Variants in PDE1C observed in about 807,000 individuals in gnomAD.
PDE1C encodes the protein dual specificity calcium/calmodulin-dependent 3',5'-cyclic nucleotide phosphodiesterase 1C.
In PDE1C, 62 loss-of-function variants were observed where a neutral mutation model predicts 93.1. The observed-to-expected ratio is 0.67, with a 90% confidence interval of 0.54 to 0.82. The LOEUF is 0.82. Among genes scored for constraint, PDE1C ranks in the 40% least tolerant of loss-of-function variants. The pLI, the probability that PDE1C is intolerant of heterozygous loss-of-function variation, is 0.00. For synonymous variants in PDE1C, 325 were observed against 310.1 expected, an observed-to-expected ratio of 1.05 and a Z score of -0.50; for missense variants, 742 against 884.6, an observed-to-expected ratio of 0.84 and a Z score of 2.04.
intron 2 of PDE1C, among the ~76,000 whole-genome samples, chr7:31,922,493 A>G (rs1187655128): frequency 1.3e-5 from 2 of 152,214 alleles, no homozygotes; most frequent in Non-Finnish European, 2.9e-5. Flanking sequence ...GAATATGTAT[A>G]AATGTTTATT....
At chr7:32,269,255 G>C (rs79578813) in intron 1 of PDE1C, among the ~76,000 whole-genome samples, 31 of 152,124 alleles carry the variant, frequency 2.0e-4, no homozygotes, top group South Asian at 1.2e-3. Flanking sequence ...TCTGAGCCAG[G>C]GGGGGTGAGA....
At chr7:31,971,441 ATC>A (rs1810948298) in intron 2 of PDE1C, among the ~76,000 whole-genome samples, 1 of 152,124 alleles carries the variant, frequency 6.6e-6, no homozygotes, top group Non-Finnish European at 1.5e-5. Flanking sequence ...CAGTTTCCTC[ATC>A]AATCAAATGA....
intron 1 of PDE1C, among the ~76,000 whole-genome samples, chr7:32,356,101 A>G (rs572591245): frequency 6.6e-6 from 1 of 152,320 alleles, no homozygotes; most frequent in South Asian, 2.1e-4. Context: ...TTTAGATGGA[A>G]AATAATTCTC....
At chr7:32,134,456 G>C (rs1030144982) in intron 3 of PDE1C, among the ~76,000 whole-genome samples, 1 of 152,008 alleles carries the variant, frequency 6.6e-6, no homozygotes, top group African/African-American at 2.4e-5. Context: ...CTAAAATGGA[G>C]ATGTCAACTA....
At chr7:32,194,223 A>T (rs2128823712) in intron 2 of PDE1C, among the ~76,000 whole-genome samples, 1 of 152,236 alleles carries the variant, frequency 6.6e-6, no homozygotes, top group Non-Finnish European at 1.5e-5. Flanking sequence ...TATGCTTTTT[A>T]AGAAAATAGC....
At chr7:31,831,501 C>CAT (rs1491413642) in intron 11 of PDE1C, among the ~76,000 whole-genome samples, 9 of 5,542 alleles carry the variant, frequency 1.6e-3, no homozygotes, top group East Asian at 0.013. Flanking sequence ...CATGCACGCA[C>CAT]ACACACACAC....
intron 3 of PDE1C, among the ~76,000 whole-genome samples, chr7:32,131,945 G>A (rs1015531381): frequency 6.6e-6 from 1 of 151,720 alleles, no homozygotes; most frequent in African/African-American, 2.4e-5. Flanking sequence ...AGTAGCACTA[G>A]TAGTAGTAGT....
At chr7:32,159,140 C>A (rs1296464362) in intron 3 of PDE1C, among the ~76,000 whole-genome samples, 1 of 152,116 alleles carries the variant, frequency 6.6e-6, no homozygotes, top group Non-Finnish European at 1.5e-5. Flanking sequence ...ACAAATGGGG[C>A]CTGCAGTGGT....
chr7:31,712,423 C>T, the PDE1C span, among the ~76,000 whole-genome samples: 2 of 152,224 alleles, frequency 1.3e-5, no homozygotes, highest in Non-Finnish European at 2.9e-5. Context: ...TGGAGCCGAA[C>T]ACAAATGTCA....
At chr7:32,209,401 A>G in intron 2 of PDE1C, 1 of 1,055,918 alleles carries the variant, frequency 9.5e-7, no homozygotes, top group Non-Finnish European at 1.4e-6. Flanking sequence ...ACCTGACAGA[A>G]TTGAAGAGCT....
At position 32,251,952 on chromosome 7, in the gene PDE1C, T is replaced by C. The variant is rs151300049; in HGVS notation, c.86-42413A>G. Among the ~76,000 whole-genome samples, 408 of 152,172 alleles carry C rather than the reference T, an allele frequency of 2.7e-3. 1 individual carries two copies. The highest frequency in any genetic ancestry group is 9.5e-3 in the African/African-American group (393 of 41,518). ...ATCTGGTCTGACAGTATCAATCAGA[T>C]CTCCCCCTGTGGTTGTAAAGATGAC... On this transcript the variant is annotated intron_variant, in intron 1 of 18. Coordinates refer to the PDE1C transcript ENST00000396193.
intron 1 of PDE1C, among the ~76,000 whole-genome samples, chr7:32,053,351 C>T (rs1156468532): frequency 6.6e-6 from 1 of 152,206 alleles, no homozygotes; most frequent in East Asian, 1.9e-4. Context: ...CTCTCTCGCA[C>T]CTGGACCCTG....
At chr7:31,695,115 A>T in the PDE1C span, among the ~76,000 whole-genome samples, 1 of 151,048 alleles carries the variant, frequency 6.6e-6, no homozygotes, top group African/African-American at 2.4e-5. Context: ...TTGAGCAAAA[A>T]GAATGGAGGC....
chr7:31,854,685 T>C (rs2128810373), intron 7 of PDE1C, among the ~76,000 whole-genome samples: 1 of 152,318 alleles, frequency 6.6e-6, no homozygotes, highest in East Asian at 1.9e-4. Flanking sequence ...AAGCAAGTTG[T>C]GACTTTTCTA....
At chr7:31,969,043 G>C (rs190720273) in intron 2 of PDE1C, among the ~76,000 whole-genome samples, 4 of 152,216 alleles carry the variant, frequency 2.6e-5, no homozygotes, top group African/African-American at 9.6e-5. Flanking sequence ...AGAAAACCTA[G>C]GCAATACCAT....
chr7:32,083,103 G>T (rs554424184), intron 3 of PDE1C, among the ~76,000 whole-genome samples: 7,408 of 151,656 alleles, frequency 0.049, 589 homozygotes, highest in African/African-American at 0.17. Context: ...TAAAAACTTT[G>T]AAAAAAATTT....
chr7:32,174,937 A>G (rs1289797185), intron 2 of PDE1C, among the ~76,000 whole-genome samples: 8 of 152,162 alleles, frequency 5.3e-5, no homozygotes, highest in Non-Finnish European at 8.8e-5. Flanking sequence ...GATTAATAAA[A>G]CTACAAATTC....
chr7:31,733,550 C>G, the PDE1C span, among the ~76,000 whole-genome samples: 1 of 152,234 alleles, frequency 6.6e-6, no homozygotes, highest in Non-Finnish European at 1.5e-5. Context: ...ATCCTGTCAT[C>G]AGAATCCAGG....
At chr7:32,419,791 G>A (rs1269799980) in intron 1 of PDE1C, among the ~76,000 whole-genome samples, 2 of 151,948 alleles carry the variant, frequency 1.3e-5, no homozygotes, top group Middle Eastern at 3.4e-3. Flanking sequence ...CACCATGACA[G>A]CTTAGACACC....
Sources: gnomAD v4.1 joint callset for allele counts (sites outside exome capture counted in the v4.1 genomes callset) on GRCh38, gnomAD v4.1.1 for gene constraint, MANE v1.5 for transcripts, NCBI Gene and HGNC (gene_info 2026-07-23, HGNC 2026-07-21) for gene names.